MAN1A1: variants seen among roughly 807,000 people sequenced by gnomAD.
The protein encoded by MAN1A1 is mannosidase alpha class 1A member 1.
In MAN1A1, 29 loss-of-function variants were observed where a neutral mutation model predicts 70.8. The ratio of observed to expected loss-of-function variants is 0.41; its 90% confidence interval spans 0.31 to 0.56. The LOEUF is 0.56. Ranked by LOEUF, MAN1A1 falls within the 20% of genes least tolerant of loss-of-function variation. MAN1A1 has a pLI of 0.29. For synonymous variants in MAN1A1, 349 were observed against 330.1 expected (o/e 1.06, Z -0.62); for missense variants, 747 against 841.3 (o/e 0.89, Z 1.39).
chr6:119,250,069 G>A (rs1775275912), intron 5 of MAN1A1, among the ~76,000 whole-genome samples: 1 of 152,110 alleles, frequency 6.6e-6, no homozygotes, highest in Admixed American at 6.5e-5. Context: ...AACTTGTAGT[G>A]TATGGAGAGG....
chr6:119,252,381 T>C lies in MAN1A1; in HGVS notation c.898-4027A>G, dbSNP rs978409845. On this transcript the variant is annotated intron_variant, in intron 5 of 12. Coordinates refer to ENST00000368468, the MANE Select transcript of MAN1A1 (RefSeq NM_005907.4). ...GAAAGGATGTTAGACAAAAAGCAAA[T>C]TTGAGTGATTTTCTTATTTGAGTTC... Among the ~76,000 whole-genome samples the C allele has an allele frequency of 2.0e-5, 3 of 152,200 alleles. No individual in the cohort carries two copies. The South Asian group carries it at 6.2e-4, about 32-fold the overall frequency.
At chr6:119,224,494 C>G (rs1200336160) in intron 6 of MAN1A1, among the ~76,000 whole-genome samples, 1 of 152,200 alleles carries the variant, frequency 6.6e-6, no homozygotes, top group Non-Finnish European at 1.5e-5. Context: ...AGCTGTCACA[C>G]TTGGCAGGGG....
intron 6 of MAN1A1, among the ~76,000 whole-genome samples, chr6:119,210,397 G>A (rs1774014765): frequency 6.6e-6 from 1 of 152,088 alleles, no homozygotes; most frequent in African/African-American, 2.4e-5. Flanking sequence ...GCAGTTTGGT[G>A]TATTTAGATG....
intron 10 of MAN1A1, among the ~76,000 whole-genome samples, chr6:119,188,979 T>C (rs1474863990): frequency 6.6e-6 from 1 of 152,240 alleles, no homozygotes; most frequent in East Asian, 1.9e-4. Context: ...TACGAAGGTC[T>C]GACTGTACTT....
intron 6 of MAN1A1, 36 bp from the exon 7 acceptor site, chr6:119,204,918 G>C (rs1773817033): frequency 1.2e-6 from 2 of 1,600,712 alleles, no homozygotes; most frequent in Admixed American, 1.8e-5. Flanking sequence ...TTATGGGTCA[G>C]ATTAACTCCG....
At chr6:119,234,842 A>T (rs1225075450) in intron 6 of MAN1A1, among the ~76,000 whole-genome samples, 2 of 152,054 alleles carry the variant, frequency 1.3e-5, no homozygotes, top group African/African-American at 4.8e-5. Context: ...GTCTGTGGCA[A>T]CCCTGTGTCA....
intron 5 of MAN1A1, among the ~76,000 whole-genome samples, chr6:119,263,166 G>A (rs759116321): frequency 5.3e-5 from 8 of 152,102 alleles, no homozygotes; most frequent in Admixed American, 1.3e-4. Flanking sequence ...CCTTGTGATC[G>A]TGTAAGTTTT....
chr6:119,190,097 G>A (rs577862305), intron 9 of MAN1A1, among the ~76,000 whole-genome samples: 1 of 152,294 alleles, frequency 6.6e-6, no homozygotes, highest in Admixed American at 6.5e-5. Flanking sequence ...TAACACTGCT[G>A]CGCCAGCACA....
intron 2 of MAN1A1, among the ~76,000 whole-genome samples, chr6:119,315,910 TTTA>T (rs1772838580): frequency 6.6e-6 from 1 of 152,188 alleles, no homozygotes; most frequent in African/African-American, 2.4e-5. Flanking sequence ...TCACTTTGTG[TTTA>T]AAGGTTTAAC....
chr6:119,240,934 T>C (rs1170770577), intron 6 of MAN1A1, among the ~76,000 whole-genome samples: 1 of 152,092 alleles, frequency 6.6e-6, no homozygotes, highest in Non-Finnish European at 1.5e-5. Flanking sequence ...GGTGGGAGGG[T>C]AATCCCTGAT....
In MAN1A1 at chr6:119,349,146, C is replaced by T. The variant is rs914671429; in HGVS notation, c.-81G>A. 2.4e-6 allele frequency: 3 copies of T among 1,252,052 alleles called. No individual in the cohort carries two copies. In the African/African-American group the frequency reaches 4.7e-5, roughly 20 times the overall value. The allele number at this position is 1,252,052 out of a possible 1,614,324, so 77.6% of individuals were successfully genotyped here. ...CCGCTGGGAGTCCGCGGCTGCGGGG[C>T]TGGGTCCTGCGTAGCCAGGCCGCCC... On this transcript the variant is annotated 5_prime_UTR_variant, in exon 2 of 13. Coordinates refer to ENST00000368468, the MANE Select transcript of MAN1A1 (RefSeq NM_005907.4).
intron 2 of MAN1A1, among the ~76,000 whole-genome samples, chr6:119,337,612 C>T (rs1773491889): frequency 6.6e-6 from 1 of 152,184 alleles, no homozygotes; most frequent in Non-Finnish European, 1.5e-5. Flanking sequence ...TTAGGGAAAA[C>T]AGAAGTACTT....
At chr6:119,287,665 G>A (rs1470819605) in intron 5 of MAN1A1, among the ~76,000 whole-genome samples, 1 of 151,772 alleles carries the variant, frequency 6.6e-6, no homozygotes, top group Non-Finnish European at 1.5e-5. Flanking sequence ...ACAGGATGTA[G>A]CTCTTCCCAA....
intron 9 of MAN1A1, among the ~76,000 whole-genome samples, chr6:119,193,061 G>A (rs1773481687): frequency 2.6e-5 from 4 of 152,044 alleles, no homozygotes; most frequent in South Asian, 2.1e-4. Flanking sequence ...AAAGGAACAG[G>A]TGCTGATATA....
chr6:119,322,301 TG>T (rs1464826342), intron 2 of MAN1A1, among the ~76,000 whole-genome samples: 2 of 152,244 alleles, frequency 1.3e-5, no homozygotes, highest in Non-Finnish European at 2.9e-5. Flanking sequence ...GTTCCATTTC[TG>T]CTTTTTTTCT....
intron 5 of MAN1A1, 115 bp from the exon 6 acceptor site, chr6:119,248,469 T>A (rs1181206361): frequency 3.1e-6 from 2 of 637,372 alleles, no homozygotes; most frequent in Non-Finnish European, 5.6e-6. Context: ...TTTCTACTTT[T>A]AATATCTGAC....
intron 6 of MAN1A1, among the ~76,000 whole-genome samples, chr6:119,229,341 G>A (rs143404466): frequency 6.6e-6 from 1 of 152,282 alleles, no homozygotes; most frequent in African/African-American, 2.4e-5. Flanking sequence ...GATGAGCAAT[G>A]TACATTGCAC....
chr6:119,262,181 C>T (rs1775631104), intron 5 of MAN1A1, among the ~76,000 whole-genome samples: 1 of 152,132 alleles, frequency 6.6e-6, no homozygotes, highest in Admixed American at 6.5e-5. Context: ...TACAGCAACA[C>T]ACTGTTTAAA....
At chr6:119,193,190 C>G (rs569357508) in intron 9 of MAN1A1, among the ~76,000 whole-genome samples, 1 of 150,756 alleles carries the variant, frequency 6.6e-6, no homozygotes, top group Non-Finnish European at 1.5e-5. Flanking sequence ...CCAACTCCAC[C>G]GCTTCATTTA....
Sources: gnomAD v4.1 joint callset for allele counts (sites outside exome capture counted in the v4.1 genomes callset) on GRCh38, gnomAD v4.1.1 for gene constraint, MANE v1.5 for transcripts, NCBI Gene and HGNC (gene_info 2026-07-23, HGNC 2026-07-21) for gene names.